The following NCOR2 variants were observed in gnomAD, a reference collection of about 807,000 sequenced individuals.
The protein encoded by NCOR2 is CTG repeat protein 26.
NCOR2 carries 81 observed loss-of-function variants against 262.9 expected under a neutral mutation model. The observed-to-expected ratio is 0.31, with a 90% CI of 0.26 to 0.37. The LOEUF is 0.37. NCOR2 is among the 10% of genes least tolerant of loss of function. The pLI is 1.00. For missense variants in NCOR2, 3,385 were observed against 3,621.4 expected (o/e 0.93, Z 1.68); for synonymous variants, 1,659 against 1,559.3 (o/e 1.06, Z -1.51).
At chr12:124,414,807 C>A (rs959676732) in intron 13 of NCOR2, among the ~76,000 whole-genome samples, 1 of 152,114 alleles carries the variant, frequency 6.6e-6, no homozygotes. Context: ...GGGCCCATGT[C>A]ACGGTAGGGG....
chr12:124,511,983 A>G (rs2137025889), intron 1 of NCOR2, among the ~76,000 whole-genome samples: 1 of 152,260 alleles, frequency 6.6e-6, no homozygotes, highest in African/African-American at 2.4e-5. Flanking sequence ...GTGCAGTGGC[A>G]CAATCATGGC....
At chr12:124,529,765 A>G (rs971221552) in intron 1 of NCOR2, 19 of 152,374 alleles carry the variant, frequency 1.2e-4, no homozygotes, top group African/African-American at 4.6e-4. Flanking sequence ...ATGTAATCGC[A>G]TGTGCATTAG....
In NCOR2 at chr12:124,440,866, C is replaced by G. The variant is rs1459010751; in HGVS notation, c.816-2870G>C. ...AGAAGGACCCGGCTCTGGGAAGATC[C>G]AGAAGGAAGGGAACTCCAGCTGGAG... On this transcript the variant is annotated intron_variant, in intron 7 of 46. Transcript: ENST00000405201. This position sits in a 1 kb window ranked among gnomAD's most constrained non-coding sequence, Gnocchi z 5.7. 6.6e-6 allele frequency among the ~76,000 whole-genome samples: 1 copy of G among 152,080 alleles called. No homozygotes were observed. Among genetic ancestry groups the G allele is most frequent in the Non-Finnish European group, 1.5e-5 (1 of 68,016 alleles).
At chr12:124,326,420 A>G in intron 45 of NCOR2, 50 bp from the exon 48 acceptor site, 2 of 1,433,256 alleles carry the variant, frequency 1.4e-6, no homozygotes, top group East Asian at 2.7e-5. Flanking sequence ...TGAAGACAGC[A>G]CCGACGCTAC....
At chr12:124,358,566 C>T (rs189421982) in intron 22 of NCOR2, among the ~76,000 whole-genome samples, 67 of 152,304 alleles carry the variant, frequency 4.4e-4, no homozygotes, top group African/African-American at 9.4e-4. Flanking sequence ...CATGAGCCTC[C>T]GGTTAAGCTC....
intron 1 of NCOR2, among the ~76,000 whole-genome samples, chr12:124,527,801 T>C (rs1052551069): frequency 2.6e-5 from 4 of 152,220 alleles, no homozygotes; most frequent in Admixed American, 2.6e-4. Flanking sequence ...GTCACTGCCA[T>C]GGGGTGCTCC....
chr12:124,485,497 C>T (rs907626105), intron 2 of NCOR2, among the ~76,000 whole-genome samples: 7 of 152,270 alleles, frequency 4.6e-5, no homozygotes, highest in Admixed American at 2.0e-4. Flanking sequence ...CGCGGCCCTG[C>T]GGACGCCCTG....
At chr12:124,339,907 CT>C in intron 37 of NCOR2, 98 bp downstream of exon 39, 2 of 927,210 alleles carry the variant, frequency 2.2e-6, no homozygotes, top group Non-Finnish European at 3.2e-6. Flanking sequence ...ACCCACCCAC[CT>C]CCCATATACC....
chr12:124,420,713 T>C (rs1349340821), intron 12 of NCOR2, among the ~76,000 whole-genome samples: 2 of 152,222 alleles, frequency 1.3e-5, no homozygotes, highest in Non-Finnish European at 2.9e-5. Context: ...CAGAAAGTGA[T>C]GCCACGATGC....
At chr12:124,546,949 AT>A (rs2051563437) in intron 1 of NCOR2, among the ~76,000 whole-genome samples, 1 of 152,074 alleles carries the variant, frequency 6.6e-6, no homozygotes, top group South Asian at 2.1e-4. Flanking sequence ...AAGAGTAGTG[AT>A]GCTAGCATAC....
chr12:124,439,263 G>GGAGACAGAGACCCAGAGAGACA (rs1565945496), intron 7 of NCOR2, among the ~76,000 whole-genome samples: 65 of 10,080 alleles, frequency 6.4e-3, no homozygotes, highest in Non-Finnish European at 8.0e-3. Flanking sequence ...AGAGAGAGAT[G>GGAGACAGAGACCCAGAGAGACA]GAGACCCTGA....
intron 17 of NCOR2, among the ~76,000 whole-genome samples, chr12:124,384,814 G>C (rs886118714): frequency 3.3e-5 from 5 of 152,038 alleles, no homozygotes; most frequent in Non-Finnish European, 5.9e-5. Flanking sequence ...TGGGAGTGGC[G>C]GGGGGAGGAG....
At chr12:124,430,748 C>T (rs1488717696) in exon 9 of NCOR2, 1 of 1,614,012 alleles carries the variant, frequency 6.2e-7, no homozygotes, top group Non-Finnish European at 8.5e-7. Context: ...TTCTCCCAGG[C>T]CTCCATGAGC....
At chr12:124,343,101 G>A (rs1239297017) in exon 33 of NCOR2, 2 of 1,612,472 alleles carry the variant, frequency 1.2e-6, no homozygotes, top group East Asian at 2.2e-5. Flanking sequence ...CCCCGAAGCA[G>A]GTGCTCATAG....
intron 16 of NCOR2, among the ~76,000 whole-genome samples, chr12:124,397,110 G>A (rs973742309): frequency 1.6e-4 from 24 of 152,194 alleles, no homozygotes; most frequent in African/African-American, 3.4e-4. Context: ...GGACATGGGC[G>A]GGGACAGGAG....
intron 7 of NCOR2, among the ~76,000 whole-genome samples, chr12:124,444,247 G>A (rs2045005331): frequency 6.6e-6 from 1 of 152,206 alleles, no homozygotes; most frequent in Non-Finnish European, 1.5e-5. Context: ...GGGCTCTGGA[G>A]GCATGGGGTA....
chr12:124,445,990 C>T (rs2045143182), intron 7 of NCOR2, among the ~76,000 whole-genome samples: 1 of 152,264 alleles, frequency 6.6e-6, no homozygotes, highest in African/African-American at 2.4e-5. Flanking sequence ...GGACGAGCTG[C>T]GGTCCCACTT....
At chr12:124,439,197 ACC>A in intron 7 of NCOR2, among the ~76,000 whole-genome samples, 1 of 152,002 alleles carries the variant, frequency 6.6e-6, no homozygotes, top group South Asian at 2.1e-4. Flanking sequence ...AGAGACGGAG[ACC>A]CAGAGACAGA....
At chr12:124,461,667 ACCACACCCGCC>A (rs1258715458) in intron 5 of NCOR2, among the ~76,000 whole-genome samples, 5 of 152,334 alleles carry the variant, frequency 3.3e-5, no homozygotes, top group African/African-American at 9.6e-5. Flanking sequence ...ACATGATGTA[ACCACACCCGCC>A]CCACACCCGC....
Sources: gnomAD v4.1 joint callset for allele counts (sites outside exome capture counted in the v4.1 genomes callset) on GRCh38, gnomAD v4.1.1 for gene constraint, Gnocchi (gnomAD v3.1) non-coding constraint, MANE v1.5 for transcripts, NCBI Gene and HGNC (gene_info 2026-07-23, HGNC 2026-07-21) for gene names.